The following MAP4K5 variants were observed in gnomAD, a reference collection of about 807,000 sequenced individuals.
The protein encoded by MAP4K5 is MAPK/ERK kinase kinase kinase 5.
MAP4K5 carries 82 observed loss-of-function variants against 135.6 expected under a neutral mutation model. The observed-to-expected ratio is 0.60, with a 90% CI of 0.51 to 0.73. The LOEUF (loss-of-function observed/expected upper bound fraction) is 0.73, where lower values mean the gene tolerates loss of function less well. Among genes scored for constraint, MAP4K5 ranks in the 30% least tolerant of loss-of-function variants. The pLI, the probability that MAP4K5 is intolerant of heterozygous loss-of-function variation, is 0.00. For missense variants in MAP4K5, 907 were observed against 1,010.9 expected, an observed-to-expected ratio of 0.90 and a Z score of 1.39; for synonymous variants, 347 against 335.0, an observed-to-expected ratio of 1.04 and a Z score of -0.39.
At chr14:50,449,106 C>A in intron 14 of MAP4K5, 1 of 337,744 alleles carries the variant, frequency 3.0e-6, no homozygotes, top group Non-Finnish European at 5.3e-6. Flanking sequence ...TTTAAAAATT[C>A]ATCAAAAATA....
rs1049913032 is a variant in MAP4K5 at position 50,448,886 on chromosome 14, C to G, written c.1016-54G>C. On this transcript the variant is annotated intron_variant, in intron 14 of 32. Coordinates refer to ENST00000682126, the MANE Select transcript of MAP4K5 (RefSeq NM_006575.6). ...ACTCAGCATCTCAAAGGGTTGATCT[C>G]AGAAATGTAATGACAAGTTTGTATA... 1.4e-6 allele frequency: 1 copy of G among 726,128 alleles called. No homozygotes were observed. Among genetic ancestry groups the G allele is most frequent in the Non-Finnish European group, 2.2e-6 (1 of 454,088 alleles). 45.0% of individuals were successfully genotyped at this position (726,128 alleles called of 1,614,324 possible).
chr14:50,541,741 C>T (rs1345485260), intron 2 of MAP4K5, among the ~76,000 whole-genome samples: 3 of 152,020 alleles, frequency 2.0e-5, no homozygotes. Flanking sequence ...ATGCTGTTGG[C>T]CAGGCGCGGT....
chr14:50,447,297 T>C (rs1003288518), intron 16 of MAP4K5, 117 bp downstream of exon 16: 3 of 618,608 alleles, frequency 4.8e-6, no homozygotes, highest in Non-Finnish European at 5.5e-6. Flanking sequence ...TTTACCTTCA[T>C]TAATGGCATA....
At chr14:50,553,443 A>T (rs1036494235) in intron 1 of MAP4K5, among the ~76,000 whole-genome samples, 1 of 136,842 alleles carries the variant, frequency 7.3e-6, no homozygotes, top group African/African-American at 2.8e-5. Flanking sequence ...TTTAAAAATT[A>T]AAAAAAAATA....
chr14:50,486,487 T>C (rs548781285), intron 3 of MAP4K5, among the ~76,000 whole-genome samples: 1 of 152,294 alleles, frequency 6.6e-6, no homozygotes, highest in South Asian at 2.1e-4. Flanking sequence ...TAAATTACAG[T>C]ACAGTGTGCT....
chr14:50,421,930 C>T (rs995680942), intron 32 of MAP4K5, among the ~76,000 whole-genome samples: 22 of 150,458 alleles, frequency 1.5e-4, no homozygotes, highest in Admixed American at 1.1e-3. Context: ...CTTGCTCTGT[C>T]GCCCAGGCTG....
At chr14:50,441,149 T>C (rs1438363826) in intron 21 of MAP4K5, among the ~76,000 whole-genome samples, 1 of 152,180 alleles carries the variant, frequency 6.6e-6, no homozygotes, top group Non-Finnish European at 1.5e-5. Context: ...GAAGATAAAC[T>C]GTCAATGGCT....
intron 2 of MAP4K5, among the ~76,000 whole-genome samples, chr14:50,538,942 C>G (rs1253616930): frequency 6.6e-6 from 1 of 152,202 alleles, no homozygotes; most frequent in Non-Finnish European, 1.5e-5. Flanking sequence ...ACCTCAGCCT[C>G]CCAAGTAGCT....
intron 2 of MAP4K5, among the ~76,000 whole-genome samples, chr14:50,522,237 T>A (rs1354601870): frequency 6.6e-6 from 1 of 152,016 alleles, no homozygotes; most frequent in African/African-American, 2.4e-5. Context: ...TGCAGCTGTA[T>A]CCACAAGTCA....
intron 1 of MAP4K5, among the ~76,000 whole-genome samples, chr14:50,545,044 G>C (rs779719888): frequency 2.0e-5 from 3 of 151,872 alleles, no homozygotes; most frequent in Non-Finnish European, 4.4e-5. Context: ...AGGCCAGGCT[G>C]TGAGCCAAGG....
At chr14:50,538,318 C>T (rs559485209) in intron 2 of MAP4K5, among the ~76,000 whole-genome samples, 7 of 152,188 alleles carry the variant, frequency 4.6e-5, no homozygotes, top group Admixed American at 1.3e-4. Flanking sequence ...CCAATTAAAC[C>T]TCTTCCTTTT....
intron 26 of MAP4K5, among the ~76,000 whole-genome samples, chr14:50,435,872 T>C (rs1037943222): frequency 6.6e-6 from 1 of 152,206 alleles, no homozygotes; most frequent in Non-Finnish European, 1.5e-5. Context: ...ATTATAAGAA[T>C]AGTTATTTGC....
chr14:50,506,606 T>C (rs926372247), intron 2 of MAP4K5, among the ~76,000 whole-genome samples: 14 of 152,238 alleles, frequency 9.2e-5, no homozygotes, highest in African/African-American at 3.4e-4. Flanking sequence ...AATTTGCCCA[T>C]CTTGGCCTCC....
intron 14 of MAP4K5, among the ~76,000 whole-genome samples, chr14:50,453,272 C>CAAAAAAAAAAAAA (rs750792572): frequency 2.8e-5 from 3 of 105,794 alleles, no homozygotes; most frequent in Non-Finnish European, 4.1e-5. Flanking sequence ...GATGACAAAC[C>CAAAAAAAAAAAAA]AAAAAAAAAA....
At chr14:50,522,593 T>C (rs2038174397) in intron 2 of MAP4K5, among the ~76,000 whole-genome samples, 1 of 152,146 alleles carries the variant, frequency 6.6e-6, no homozygotes, top group African/African-American at 2.4e-5. Context: ...ATAACATTTA[T>C]TTAATAAGAA....
chr14:50,452,843 C>T (rs1177744887), intron 14 of MAP4K5, among the ~76,000 whole-genome samples: 2 of 152,162 alleles, frequency 1.3e-5, no homozygotes, highest in East Asian at 3.8e-4. Flanking sequence ...GGGCTTCCAC[C>T]CAAGTCAGTT....
At chr14:50,541,403 C>A (rs79293985) in intron 2 of MAP4K5, among the ~76,000 whole-genome samples, 2 of 152,212 alleles carry the variant, frequency 1.3e-5, no homozygotes, top group African/African-American at 4.8e-5. Flanking sequence ...AGGAACCTGA[C>A]ACATTAGTGA....
chr14:50,510,878 T>C (rs1322320269), intron 2 of MAP4K5, among the ~76,000 whole-genome samples: 3 of 152,216 alleles, frequency 2.0e-5, no homozygotes, highest in East Asian at 1.9e-4. Context: ...AACACAAACC[T>C]TGATACTTTG....
At chr14:50,509,437 C>T (rs2037883801) in intron 2 of MAP4K5, among the ~76,000 whole-genome samples, 1 of 152,080 alleles carries the variant, frequency 6.6e-6, no homozygotes, top group Non-Finnish European at 1.5e-5. Context: ...ACAAAATAAT[C>T]TACTGAAAAC....
Sources: allele counts gnomAD v4.1 joint callset (sites outside exome capture counted in the v4.1 genomes callset), GRCh38; gene constraint gnomAD v4.1.1; transcripts MANE v1.5; gene names NCBI Gene and HGNC (gene_info 2026-07-23, HGNC 2026-07-21).